Variants in ADGRB3 observed in about 807,000 individuals in gnomAD.
ADGRB3 encodes the protein brain-specific angiogenesis inhibitor 3.
A neutral mutation model predicts 193.4 loss-of-function variants in ADGRB3; 37 were observed. The ratio of observed to expected loss-of-function variants is 0.19; its 90% CI spans 0.15 to 0.25. The LOEUF (loss-of-function observed/expected upper bound fraction) is 0.25, where lower values mean the gene tolerates loss of function less well. Ranked by LOEUF, ADGRB3 falls within the 10% of genes least tolerant of loss-of-function variation. The pLI, the probability that ADGRB3 is intolerant of heterozygous loss-of-function variation, is 1.00. For synonymous variants in ADGRB3, 690 were observed against 644.2 expected, an observed-to-expected ratio of 1.07 and a Z score of -1.08; for missense variants, 1,637 against 1,852.9, an observed-to-expected ratio of 0.88 and a Z score of 2.14.
chr6:69,272,512 G>A (rs529096779), intron 20 of ADGRB3, among the ~76,000 whole-genome samples: 47 of 152,302 alleles, frequency 3.1e-4, no homozygotes, highest in African/African-American at 9.9e-4. Context: ...ACAATAATTA[G>A]CATTGCAGTG....
intron 3 of ADGRB3, among the ~76,000 whole-genome samples, chr6:68,909,921 A>C (rs1766652752): frequency 6.6e-6 from 1 of 152,228 alleles, no homozygotes. Context: ...GTATATACCC[A>C]GTAATGGGAT....
intron 3 of ADGRB3, among the ~76,000 whole-genome samples, chr6:68,790,533 C>A (rs752951122): frequency 1.3e-5 from 2 of 152,152 alleles, no homozygotes; most frequent in Non-Finnish European, 2.9e-5. Flanking sequence ...CTGGGAGGCA[C>A]CCCCGAGTAG....
chr6:68,761,234 A>T (rs147200725), intron 3 of ADGRB3, among the ~76,000 whole-genome samples: 89 of 152,342 alleles, frequency 5.8e-4, no homozygotes, highest in African/African-American at 1.9e-3. Flanking sequence ...CAACAAGGAG[A>T]GAGGGAGAAA....
intron 3 of ADGRB3, among the ~76,000 whole-genome samples, chr6:68,864,510 A>G (rs1187863073): frequency 1.7e-5 from 2 of 118,126 alleles, no homozygotes; most frequent in Non-Finnish European, 4.0e-5. Flanking sequence ...GATCTCAGAC[A>G]TTCTTGGATA....
chr6:69,043,436 C>A (rs1771147321), intron 13 of ADGRB3, among the ~76,000 whole-genome samples: 1 of 152,122 alleles, frequency 6.6e-6, no homozygotes, highest in South Asian at 2.1e-4. Flanking sequence ...GCAGTTCCTG[C>A]CTTTTGTTAT....
intron 17 of ADGRB3, among the ~76,000 whole-genome samples, chr6:69,131,400 T>A (rs974365598): frequency 1.1e-5 from 1 of 93,492 alleles, no homozygotes; most frequent in Non-Finnish European, 2.5e-5. Flanking sequence ...GCACAAGGAT[T>A]TTTTTTTCTT....
intron 3 of ADGRB3, among the ~76,000 whole-genome samples, chr6:68,668,906 A>G (rs145769893): frequency 5.9e-5 from 9 of 152,048 alleles, no homozygotes; most frequent in African/African-American, 1.9e-4. Flanking sequence ...CTCTTGTTAC[A>G]ATAAGGAAAA....
At chr6:68,948,275 T>C (rs1171488507) in intron 6 of ADGRB3, among the ~76,000 whole-genome samples, 1 of 152,132 alleles carries the variant, frequency 6.6e-6, no homozygotes, top group East Asian at 1.9e-4. Flanking sequence ...TAACTAGAGA[T>C]AACAGTTTTT....
At chr6:69,280,068 A>G (rs1395534325) in intron 20 of ADGRB3, among the ~76,000 whole-genome samples, 2 of 152,108 alleles carry the variant, frequency 1.3e-5, no homozygotes, top group Non-Finnish European at 2.9e-5. Context: ...CTCAAAAGAG[A>G]GCTGACAGCC....
At chr6:68,918,143 T>A (rs569967800) in intron 3 of ADGRB3, among the ~76,000 whole-genome samples, 1 of 152,232 alleles carries the variant, frequency 6.6e-6, no homozygotes, top group South Asian at 2.1e-4. Context: ...AGAAGCAAAA[T>A]TGTAATGACT....
At chr6:68,843,296 A>G (rs1768200802) in intron 3 of ADGRB3, among the ~76,000 whole-genome samples, 1 of 152,012 alleles carries the variant, frequency 6.6e-6, no homozygotes, top group African/African-American at 2.4e-5. Context: ...TCTACCAAAA[A>G]CTATTAGAGA....
intron 3 of ADGRB3, among the ~76,000 whole-genome samples, chr6:68,788,732 C>A (rs1183001026): frequency 6.6e-6 from 1 of 152,120 alleles, no homozygotes; most frequent in Non-Finnish European, 1.5e-5. Context: ...TCTCTTTGAT[C>A]TGTCTAACGT....
chr6:69,325,731 T>C (rs1041285665), intron 21 of ADGRB3, among the ~76,000 whole-genome samples: 1 of 152,196 alleles, frequency 6.6e-6, no homozygotes, highest in South Asian at 2.1e-4. Context: ...TATGGGATGC[T>C]AGGAGGAACC....
intron 3 of ADGRB3, among the ~76,000 whole-genome samples, chr6:68,917,273 C>G (rs1266755202): frequency 6.6e-6 from 1 of 152,172 alleles, no homozygotes; most frequent in African/African-American, 2.4e-5. Context: ...CACACAGCCA[C>G]CATTTAAGCA....
chr6:68,931,089 G>A (rs1256855677), intron 4 of ADGRB3, among the ~76,000 whole-genome samples: 10 of 151,676 alleles, frequency 6.6e-5, no homozygotes, highest in African/African-American at 2.4e-4. Context: ...GATCCTACTT[G>A]TATTAATTAT....
chr6:68,771,885 G>A (rs1028609176), intron 3 of ADGRB3, among the ~76,000 whole-genome samples: 2 of 151,996 alleles, frequency 1.3e-5, no homozygotes, highest in African/African-American at 4.8e-5. Context: ...GGTTTTCCAG[G>A]TTCAATTGCA....
chr6:69,039,988 C>T (rs2150297713), intron 13 of ADGRB3, among the ~76,000 whole-genome samples: 1 of 152,138 alleles, frequency 6.6e-6, no homozygotes, highest in Admixed American at 6.5e-5. Context: ...GATCCGCCCG[C>T]CTCGGCCTCC....
intron 3 of ADGRB3, among the ~76,000 whole-genome samples, chr6:68,690,432 A>T (rs1412335684): frequency 6.6e-6 from 1 of 152,092 alleles, no homozygotes; most frequent in Non-Finnish European, 1.5e-5. Context: ...TTTTTGTCAC[A>T]TAATAATAGA....
intron 3 of ADGRB3, among the ~76,000 whole-genome samples, chr6:68,640,234 G>A (rs970311261): frequency 2.0e-5 from 3 of 152,128 alleles, no homozygotes; most frequent in African/African-American, 4.8e-5. Context: ...CCCGGTTGAC[G>A]TACACGAAGA....
Sources: allele counts gnomAD v4.1 joint callset (sites outside exome capture counted in the v4.1 genomes callset), GRCh38; gene constraint gnomAD v4.1.1; transcripts MANE v1.5; gene names NCBI Gene and HGNC (gene_info 2026-07-23, HGNC 2026-07-21).